IL1RAP: variants seen among roughly 807,000 people sequenced by gnomAD.
IL1RAP encodes interleukin 1 receptor accessory protein, also known as interleukin-1 receptor accessory protein.
Under a neutral mutation model 60.7 loss-of-function variants are expected in IL1RAP, and 35 were observed. That is an observed-to-expected ratio of 0.58 (90% CI 0.44 to 0.76). IL1RAP has a LOEUF of 0.76. Among genes scored for constraint, IL1RAP ranks in the 30% least tolerant of loss-of-function variants. The probability of loss-of-function intolerance (pLI) is 0.00; values close to 1 mark genes in which losing one functional copy is unlikely to be tolerated. For missense variants in IL1RAP, 572 were observed against 693.9 expected, an observed-to-expected ratio of 0.82 and a Z score of 1.97; for synonymous variants, 268 against 250.9, an observed-to-expected ratio of 1.07 and a Z score of -0.64.
intron 5 of IL1RAP, among the ~76,000 whole-genome samples, chr3:190,617,766 G>A (rs1289993358): frequency 6.6e-6 from 1 of 152,090 alleles, no homozygotes. Flanking sequence ...GTGTTGTGAA[G>A]GGTCTAGAGA....
intron 1 of IL1RAP, among the ~76,000 whole-genome samples, chr3:190,524,912 A>G (rs894615945): frequency 6.6e-6 from 1 of 152,164 alleles, no homozygotes; most frequent in African/African-American, 2.4e-5. Context: ...ATACATATGT[A>G]TATATAAGTG....
At chr3:190,605,010 T>A (rs2108753985) in intron 4 of IL1RAP, among the ~76,000 whole-genome samples, 1 of 152,100 alleles carries the variant, frequency 6.6e-6, no homozygotes, top group South Asian at 2.1e-4. Flanking sequence ...GAACTGGGAG[T>A]CCTCTCTCCC....
Position 190,545,498 on chromosome 3 carries a change from A to G in IL1RAP, c.-88-10632A>G, listed in dbSNP as rs538215876. Among the ~76,000 whole-genome samples the G allele has an allele frequency of 5.3e-5, 8 of 152,336 alleles. No homozygotes were observed. The South Asian group carries it at 1.7e-3, about 32-fold the overall frequency. ...TCGGAGACAGCTACAGATCAATGAC[A>G]TGAAGCAACATGGGATTTTCTGTAG... On this transcript the variant is annotated intron_variant, in intron 1 of 11. Transcript: ENST00000447382.
chr3:190,633,978 T>C lies in IL1RAP; in HGVS notation c.1051+4480T>C, dbSNP rs148184635. Among the ~76,000 whole-genome samples the C allele has an allele frequency of 2.2e-3, 335 of 152,358 alleles. 2 individuals carry two copies. Among genetic ancestry groups the C allele is most frequent in the Non-Finnish European group, 3.6e-3 (244 of 68,032 alleles). On this transcript the variant is annotated intron_variant, in intron 9 of 11. Coordinates refer to ENST00000447382, the MANE Select transcript of IL1RAP (RefSeq NM_002182.4). ...TTTAGAGGGCAAGCCTTCAGGTTTT[T>C]ATATACAGGATTTTTTTGTAGATGA...
At chr3:190,540,158 A>G (rs904629665) in intron 1 of IL1RAP, among the ~76,000 whole-genome samples, 49 of 152,222 alleles carry the variant, frequency 3.2e-4, no homozygotes, top group African/African-American at 1.2e-3. Context: ...ATATGCAAAA[A>G]TGACAAGGTT....
rs186630192 is a variant in IL1RAP at position 190,523,555 on chromosome 3, T to A, written c.-89+9336T>A. Among the ~76,000 whole-genome samples the A allele has an allele frequency of 1.5e-3, 225 of 152,174 alleles. 2 individuals are homozygous for A. The highest frequency in any genetic ancestry group is 5.1e-3 in the African/African-American group (212 of 41,522). On this transcript the variant is annotated intron_variant, in intron 1 of 11. Transcript: ENST00000447382. Reference sequence around the variant, plus strand: ...CCCTCCAATGGGCCCCAGTGTGTGTTGTTTTCCTTTATGTGTTCATGTGTT... The same window carrying A: ...CCCTCCAATGGGCCCCAGTGTGTGTAGTTTTCCTTTATGTGTTCATGTGTT...
In IL1RAP at chr3:190,529,715, G is replaced by A. The variant is rs374635817; in HGVS notation, c.-89+15496G>A. Among the ~76,000 whole-genome samples, 1,330 of 149,398 alleles carry A rather than the reference G, an allele frequency of 8.9e-3. 12 individuals carry two copies. The highest frequency in any genetic ancestry group is 0.026 in the African/African-American group (1,040 of 40,278). On this transcript the variant is annotated intron_variant, in intron 1 of 11. Transcript: ENST00000447382. Reference sequence around the variant, plus strand: ...AAAAAAAAAAAAAATTTAGCCGGGCGTGGTGGCAGTCACCTGTAATCCCAG... The same window carrying A: ...AAAAAAAAAAAAAATTTAGCCGGGCATGGTGGCAGTCACCTGTAATCCCAG...
intron 1 of IL1RAP, among the ~76,000 whole-genome samples, chr3:190,527,275 T>G (rs1005509880): frequency 6.6e-6 from 1 of 152,214 alleles, no homozygotes; most frequent in Non-Finnish European, 1.5e-5. Context: ...TGTCTTAGTT[T>G]CATTATCTCA....
At chr3:190,551,157 C>T (rs1724827918) in intron 1 of IL1RAP, among the ~76,000 whole-genome samples, 1 of 152,188 alleles carries the variant, frequency 6.6e-6, no homozygotes, top group Non-Finnish European at 1.5e-5. Context: ...TCTCTACTGA[C>T]CACAGGTCAG....
chr3:190,563,068 C>A (rs1281236656), intron 2 of IL1RAP, among the ~76,000 whole-genome samples: 2 of 152,096 alleles, frequency 1.3e-5, no homozygotes, highest in Non-Finnish European at 2.9e-5. Context: ...GGTGGCCACA[C>A]CTCTTGGATT....
Position 190,564,307 on chromosome 3 carries a change from TG to T in IL1RAP, c.19del (p.Val7Ter). 6.2e-7 allele frequency: 1 copy of T among 1,610,850 alleles called. No homozygotes were observed. Among genetic ancestry groups the T allele is most frequent in the Non-Finnish European group, 8.5e-7 (1 of 1,177,170 alleles). ...GTTACAGGATGACACTTCTGTGGTG[TG>T]TAGTGAGTCTCTACTTTTATGGAAT... MTLLWC[V>X]VSLYFYGILQ... On this transcript the variant is annotated frameshift_variant, in exon 3 of 12. Coordinates refer to ENST00000447382, the MANE Select transcript of IL1RAP (RefSeq NM_002182.4). LOFTEE classifies it high-confidence loss of function.
chr3:190,529,800 G>C (rs978212810), intron 1 of IL1RAP, among the ~76,000 whole-genome samples: 2 of 150,544 alleles, frequency 1.3e-5, no homozygotes, highest in Non-Finnish European at 2.9e-5. Context: ...GTTGCAGTGA[G>C]CCGAAGATCA....
intron 1 of IL1RAP, among the ~76,000 whole-genome samples, chr3:190,538,611 G>A (rs1285179740): frequency 6.6e-6 from 1 of 152,138 alleles, no homozygotes. Flanking sequence ...TTGTCGGCAC[G>A]ATGTCTTTCA....
In IL1RAP at chr3:190,648,776, G is replaced by C; in HGVS notation, c.*71G>C. The C allele has an allele frequency of 2.6e-6, 4 of 1,515,532 alleles. No individual in the cohort carries two copies. Among genetic ancestry groups the C allele is most frequent in the Non-Finnish European group, 3.5e-6 (4 of 1,135,190 alleles). 93.9% of individuals were successfully genotyped at this position (1,515,532 alleles called of 1,614,324 possible). A position where few individuals can be genotyped will look rare whatever the true frequency, so the allele number is the denominator to read the frequency against. ...GAAAGAGTCCCCCCAGTCTTCATTC[G>C]CAGTTTATGGTTTCATAGGCAAAAA... On this transcript the variant is annotated 3_prime_UTR_variant, in exon 12 of 12. Transcript: ENST00000447382.
In IL1RAP at chr3:190,648,440, T is replaced by A; in HGVS notation, c.1448T>A (p.Leu483His). ...VLQGTQALLELKAGLENMASR... is the reference protein window; with the variant it reads ...VLQGTQALLEHKAGLENMASR... Reference sequence around the variant, plus strand: ...CAGGGAACCCAAGCCCTCCTGGAGCTCAAGGCTGGCCTAGAAAATATGGCC... The same window carrying A: ...CAGGGAACCCAAGCCCTCCTGGAGCACAAGGCTGGCCTAGAAAATATGGCC... Residue 483 changes from leucine to histidine, a missense_variant, in exon 12 of 12, where the codon CTC becomes CAC. Leu to His is a moderately conservative substitution (Grantham distance 99, BLOSUM62 -3). Coordinates refer to ENST00000447382, the MANE Select transcript of IL1RAP (RefSeq NM_002182.4). 1 of 1,614,088 alleles carries A rather than the reference T, an allele frequency of 6.2e-7. No individual in the cohort carries two copies. The highest frequency in any genetic ancestry group is 1.1e-5 in the South Asian group (1 of 91,078).
chr3:190,617,722 A>G (rs1473750068), intron 5 of IL1RAP, among the ~76,000 whole-genome samples: 1 of 152,164 alleles, frequency 6.6e-6, no homozygotes, highest in African/African-American at 2.4e-5. Context: ...ACAGTTTATT[A>G]TGTTTAAAAT....
At chr3:190,626,850 A>C (rs544659562) in intron 7 of IL1RAP, among the ~76,000 whole-genome samples, 4 of 151,738 alleles carry the variant, frequency 2.6e-5, no homozygotes, top group Non-Finnish European at 4.4e-5. Flanking sequence ...TTGTATTTTT[A>C]GTAGAGACGG....
chr3:190,572,855 C>CTTTTTTTTT (rs1337681913), intron 3 of IL1RAP, among the ~76,000 whole-genome samples: 3 of 57,594 alleles, frequency 5.2e-5, no homozygotes, highest in East Asian at 8.6e-4. Flanking sequence ...AGGGTTAATG[C>CTTTTTTTTT]TTTGTTTTTT....
chr3:190,607,527 C>T (rs190558640), intron 4 of IL1RAP, among the ~76,000 whole-genome samples: 3 of 151,282 alleles, frequency 2.0e-5, no homozygotes, highest in Admixed American at 1.3e-4. Context: ...TGAGCTATAA[C>T]AAATTTAATA....
Sources: allele counts gnomAD v4.1 joint callset (sites outside exome capture counted in the v4.1 genomes callset), GRCh38; gene constraint gnomAD v4.1.1; transcripts MANE v1.5; gene names NCBI Gene and HGNC (gene_info 2026-07-23, HGNC 2026-07-21).